QSOX1: variants seen among roughly 807,000 people sequenced by gnomAD.
The protein encoded by QSOX1 is sulfhydryl oxidase 1.
In QSOX1, 40 loss-of-function variants were observed where a neutral mutation model predicts 76.1. The observed-to-expected ratio is 0.53, with a 90% CI of 0.41 to 0.68. QSOX1 has a LOEUF of 0.68. Among genes scored for constraint, QSOX1 ranks in the 30% least tolerant of loss-of-function variants. QSOX1 has a pLI of 0.00. For synonymous variants in QSOX1, 392 were observed against 413.1 expected (o/e 0.95, Z 0.62); for missense variants, 931 against 974.3 (o/e 0.96, Z 0.59).
chr1:180,189,757 T>C (rs1448393785), intron 9 of QSOX1, 83 bp downstream of exon 9: 4 of 1,467,092 alleles, frequency 2.7e-6, no homozygotes, highest in African/African-American at 1.5e-5. Flanking sequence ...TTTCTGACCT[T>C]CTTCGCCAGT....
intron 1 of QSOX1, among the ~76,000 whole-genome samples, chr1:180,157,780 A>G (rs945096294): frequency 6.6e-6 from 1 of 152,178 alleles, no homozygotes; most frequent in African/African-American, 2.4e-5. Context: ...ATTGCTATTC[A>G]CTGGCTAATC....
At chr1:180,156,268 G>A (rs1662375428) in intron 1 of QSOX1, among the ~76,000 whole-genome samples, 1 of 152,128 alleles carries the variant, frequency 6.6e-6, no homozygotes, top group Non-Finnish European at 1.5e-5. Context: ...GGGCAGGAGT[G>A]GTATAGTGAT....
chr1:180,169,259 A>C (rs1202211148), intron 2 of QSOX1, among the ~76,000 whole-genome samples: 1 of 152,232 alleles, frequency 6.6e-6, no homozygotes, highest in Non-Finnish European at 1.5e-5. Flanking sequence ...CTTCCGGGTC[A>C]AGGGGCTTCT....
intron 6 of QSOX1, among the ~76,000 whole-genome samples, chr1:180,183,202 G>A (rs996041893): frequency 6.6e-6 from 1 of 151,978 alleles, no homozygotes; most frequent in African/African-American, 2.4e-5. Flanking sequence ...CCAGGATGGT[G>A]GAGTGGAATG....
intron 6 of QSOX1, among the ~76,000 whole-genome samples, 200 bp from the exon 7 acceptor site, chr1:180,183,716 C>T (rs141145782): frequency 1.3e-5 from 2 of 152,320 alleles, no homozygotes; most frequent in African/African-American, 4.8e-5. Flanking sequence ...CTTTCCAGAG[C>T]ATGTGCAGTG....
At chr1:180,166,434 G>A in intron 1 of QSOX1, 57 bp from the exon 2 acceptor site, 1 of 1,411,740 alleles carries the variant, frequency 7.1e-7, no homozygotes, top group Non-Finnish European at 1.0e-6. Flanking sequence ...GGGGAGATGG[G>A]CGGGCAGAGG....
intron 2 of QSOX1, among the ~76,000 whole-genome samples, chr1:180,169,539 G>C (rs115383223): frequency 2.9e-3 from 439 of 152,368 alleles, no homozygotes; most frequent in African/African-American, 0.01. Flanking sequence ...ATCCACCTAA[G>C]AGGACCGTTG....
chr1:180,182,047 T>C (rs1663050797), intron 5 of QSOX1, 127 bp from the exon 6 acceptor site: 2 of 885,226 alleles, frequency 2.3e-6, no homozygotes, highest in Non-Finnish European at 3.4e-6. Flanking sequence ...GTCCACTCTT[T>C]GTGGGTTTAG....
intron 1 of QSOX1, among the ~76,000 whole-genome samples, chr1:180,160,680 ACT>A (rs1254138102): frequency 6.6e-6 from 1 of 151,650 alleles, no homozygotes; most frequent in East Asian, 1.9e-4. Flanking sequence ...TTCCAATGAA[ACT>A]CTTGTTCAGA....
chr1:180,198,754 C>T lies in QSOX1; in HGVS notation c.*1717C>T, dbSNP rs1663567989. ...TGGTTGTGCTCTGCACCCCCTGCTC[C>T]CTTGGGCTGGCCCTGGCTGGGGGCC... On this transcript the variant is annotated 3_prime_UTR_variant, in exon 12 of 12. Coordinates refer to ENST00000367602, the MANE Select transcript of QSOX1 (RefSeq NM_002826.5). 1 of 256,798 alleles carries T rather than the reference C, an allele frequency of 3.9e-6. No individual in the cohort carries two copies. The highest frequency in any genetic ancestry group is 2.2e-5 in the African/African-American group (1 of 45,174). 15.9% of individuals were successfully genotyped at this position (256,798 alleles called of 1,614,324 possible).
chr1:180,174,665 C>T (rs879410826), intron 2 of QSOX1, among the ~76,000 whole-genome samples: 11 of 152,204 alleles, frequency 7.2e-5, no homozygotes, highest in Non-Finnish European at 1.2e-4. Flanking sequence ...CATCACTCAT[C>T]CATTCGATAA....
intron 2 of QSOX1, among the ~76,000 whole-genome samples, chr1:180,171,682 A>G (rs1662763048): frequency 6.6e-6 from 1 of 152,096 alleles, no homozygotes; most frequent in Non-Finnish European, 1.5e-5. Context: ...TAAACAGAAG[A>G]GTGTCAGGAC....
intron 5 of QSOX1, among the ~76,000 whole-genome samples, chr1:180,179,436 GC>G (rs1474384924): frequency 6.6e-6 from 1 of 152,266 alleles, no homozygotes; most frequent in East Asian, 1.9e-4. Context: ...CAGCTGCAGT[GC>G]CCTGTCTAGA....
At chr1:180,186,244 GT>G in intron 8 of QSOX1, 62 bp downstream of exon 8, 1 of 1,432,332 alleles carries the variant, frequency 7.0e-7, no homozygotes, top group Non-Finnish European at 9.2e-7. Flanking sequence ...GTGCGTTCCT[GT>G]AAGGCTGGGC....
chr1:180,185,980 C>G, intron 7 of QSOX1, 73 bp from the exon 8 acceptor site: 2 of 1,551,732 alleles, frequency 1.3e-6, no homozygotes, highest in Non-Finnish European at 1.8e-6. Flanking sequence ...TCCCTTTAGC[C>G]CTGGATGCTC....
rs1663608445 is a variant in QSOX1, at chr1:180,200,278, A to C, written c.*3241A>C. 1 of 152,234 alleles carries C rather than the reference A, an allele frequency of 6.6e-6. No homozygotes were observed. The highest frequency in any genetic ancestry group is 1.5e-5 in the Non-Finnish European group (1 of 68,046). 9.4% of individuals were successfully genotyped at this position (152,234 alleles called of 1,614,324 possible). On this transcript the variant is annotated 3_prime_UTR_variant, in exon 12 of 12. Transcript: ENST00000367602. ...CTGGGCAAACACTAAGTGCTTAATAATGGTAGCCCACTGCTCATGTCGTGT... is the reference window on the plus strand; with the variant it reads ...CTGGGCAAACACTAAGTGCTTAATACTGGTAGCCCACTGCTCATGTCGTGT...
At chr1:180,181,704 A>G (rs1663040860) in intron 5 of QSOX1, among the ~76,000 whole-genome samples, 1 of 152,168 alleles carries the variant, frequency 6.6e-6, no homozygotes, top group Non-Finnish European at 1.5e-5. Context: ...GTAATTTCTA[A>G]AGGGATCTTT....
intron 1 of QSOX1, among the ~76,000 whole-genome samples, chr1:180,165,110 A>T (rs1311817877): frequency 6.6e-6 from 1 of 152,250 alleles, no homozygotes; most frequent in East Asian, 1.9e-4. Flanking sequence ...TCACATTTCA[A>T]CATGAGATTT....
Position 180,183,934 on chromosome 1 carries a change from C to T in QSOX1, c.771C>T (p.Ser257=). Residue 257 remains serine (S), a synonymous_variant, in exon 7 of 12, where the codon TCC becomes TCT. Transcript: ENST00000367602. Reference sequence around the variant, plus strand: ...CTCACAGGCTCATGGAATCCAGGTCCTTCTATACCGCTTACCTGCAGAGAC... The same window carrying T: ...CTCACAGGCTCATGGAATCCAGGTCTTTCTATACCGCTTACCTGCAGAGAC... ...SRVPVLMESR[S]FYTAYLQRLS... The T allele has an allele frequency of 6.2e-7, 1 of 1,613,866 alleles. No individual in the cohort carries two copies. The highest frequency in any genetic ancestry group is 8.5e-7 in the Non-Finnish European group (1 of 1,179,762).
Sources: gnomAD v4.1 joint callset for allele counts (sites outside exome capture counted in the v4.1 genomes callset) on GRCh38, gnomAD v4.1.1 for gene constraint, MANE v1.5 for transcripts, NCBI Gene and HGNC (gene_info 2026-07-23, HGNC 2026-07-21) for gene names.